The following AGBL4 variants were observed in gnomAD, a reference collection of about 807,000 sequenced individuals.
The protein encoded by AGBL4 is cytosolic carboxypeptidase 6.
In AGBL4, 58 loss-of-function variants were observed where a neutral mutation model predicts 66.4. The ratio of observed to expected loss-of-function variants is 0.87; its 90% CI spans 0.71 to 1.09. The LOEUF is 1.09. Ranked by LOEUF, AGBL4 falls within the 50% of genes least tolerant of loss-of-function variation. AGBL4 has a pLI of 0.00. For missense variants in AGBL4, 579 were observed against 631.0 expected (o/e 0.92, Z 0.88); for synonymous variants, 234 against 222.9 (o/e 1.05, Z -0.44).
In AGBL4 at chr1:48,849,608, T is replaced by C. The variant is rs370965443; in HGVS notation, c.634+17583A>G. Among the ~76,000 whole-genome samples the C allele has an allele frequency of 4.9e-4, 74 of 152,358 alleles. 1 individual carries two copies. The South Asian group carries it at 9.7e-3, about 20-fold the overall frequency. ...CCCACCTTCACTGCTTCTCACTATT[T>C]ATCTGCTGCTTCTAGGATGACAATC... On this transcript the variant is annotated intron_variant, in intron 6 of 13. Transcript: ENST00000371839.
Position 48,997,004 on chromosome 1 carries a change from C to A in AGBL4, c.594+48580G>T, listed in dbSNP as rs140539585. On this transcript the variant is annotated intron_variant, in intron 5 of 13. Coordinates refer to ENST00000371839, the MANE Select transcript of AGBL4 (RefSeq NM_032785.4). ...ATGGTGCAATCTCAGCCCACTACAACCTCCACCTCAGGGGTTCAAGCAATT... is the reference window on the plus strand; with the variant it reads ...ATGGTGCAATCTCAGCCCACTACAAACTCCACCTCAGGGGTTCAAGCAATT... 3.8e-3 allele frequency among the ~76,000 whole-genome samples: 586 copies of A among 152,280 alleles called. 5 individuals are homozygous for A. Among genetic ancestry groups the A allele is most frequent in the Non-Finnish European group, 6.3e-3 (432 of 68,032 alleles).
chr1:49,938,744 C>A (rs1221393784), intron 1 of AGBL4, among the ~76,000 whole-genome samples: 1 of 152,086 alleles, frequency 6.6e-6, no homozygotes, highest in Non-Finnish European at 1.5e-5. Context: ...AAGACAAAAA[C>A]CACATGATTA....
chr1:49,150,970 A>G (rs1042661842), intron 4 of AGBL4, among the ~76,000 whole-genome samples: 1 of 152,168 alleles, frequency 6.6e-6, no homozygotes, highest in Non-Finnish European at 1.5e-5. Flanking sequence ...AACTCTCTTT[A>G]AAAATATATA....
chr1:49,444,233 G>A (rs1193320564), intron 3 of AGBL4, among the ~76,000 whole-genome samples: 1 of 151,958 alleles, frequency 6.6e-6, no homozygotes, highest in Non-Finnish European at 1.5e-5. Context: ...TGTATATTCT[G>A]TAGTTTTGGA....
At chr1:49,805,316 G>C (rs909035638) in intron 2 of AGBL4, among the ~76,000 whole-genome samples, 1 of 152,150 alleles carries the variant, frequency 6.6e-6, no homozygotes, top group African/African-American at 2.4e-5. Flanking sequence ...ATGAACTTGA[G>C]AAGAGCAGTT....
At chr1:48,648,281 C>T (rs919175514) in intron 8 of AGBL4, among the ~76,000 whole-genome samples, 33 of 152,182 alleles carry the variant, frequency 2.2e-4, no homozygotes, top group African/African-American at 7.7e-4. Context: ...AATTTGATCA[C>T]TTGAAGAACG....
At chr1:49,682,038 TA>T (rs1248713039) in intron 3 of AGBL4, among the ~76,000 whole-genome samples, 4 of 152,242 alleles carry the variant, frequency 2.6e-5, no homozygotes, top group Middle Eastern at 3.4e-3. Flanking sequence ...ACTATTTCTT[TA>T]AAAAAATAAA....
chr1:48,785,310 G>A (rs1645383999), intron 6 of AGBL4, among the ~76,000 whole-genome samples: 1 of 152,106 alleles, frequency 6.6e-6, no homozygotes, highest in Admixed American at 6.5e-5. Flanking sequence ...TGCCTAACCT[G>A]GCACATGAGA....
chr1:48,555,698 G>A (rs1644310969), intron 11 of AGBL4, among the ~76,000 whole-genome samples: 1 of 152,204 alleles, frequency 6.6e-6, no homozygotes, highest in Admixed American at 6.5e-5. Context: ...CCCTGGTGAA[G>A]TGGGATTTGA....
intron 11 of AGBL4, among the ~76,000 whole-genome samples, chr1:48,576,240 T>C (rs1308466082): frequency 2.6e-5 from 4 of 152,194 alleles, no homozygotes; most frequent in Non-Finnish European, 5.9e-5. Flanking sequence ...TTGTGAACTA[T>C]GCATATGAGG....
chr1:49,742,294 A>G (rs2124753116), intron 2 of AGBL4, among the ~76,000 whole-genome samples: 1 of 151,802 alleles, frequency 6.6e-6, no homozygotes, highest in African/African-American at 2.4e-5. Flanking sequence ...GTGAACTCCC[A>G]TTCACAATTG....
intron 2 of AGBL4, among the ~76,000 whole-genome samples, chr1:49,811,205 G>C (rs1416719562): frequency 6.6e-6 from 1 of 152,118 alleles, no homozygotes; most frequent in East Asian, 1.9e-4. Context: ...TGTTGGAATG[G>C]ATCCTGTGGA....
chr1:49,846,384 G>T (rs137962564), intron 2 of AGBL4: 188 of 1,541,100 alleles, frequency 1.2e-4, no homozygotes, highest in Non-Finnish European at 1.6e-4. Context: ...AAGCACCAGA[G>T]AACTCACACT....
chr1:49,305,474 T>C (rs1327431559), intron 3 of AGBL4, among the ~76,000 whole-genome samples: 1 of 152,156 alleles, frequency 6.6e-6, no homozygotes, highest in Non-Finnish European at 1.5e-5. Context: ...TTTCTATCCA[T>C]GTTTGGTTGC....
intron 5 of AGBL4, among the ~76,000 whole-genome samples, chr1:49,012,895 T>C (rs1482591284): frequency 6.6e-6 from 1 of 152,210 alleles, no homozygotes; most frequent in East Asian, 1.9e-4. Context: ...TGAGCCCTCA[T>C]TATGTGTTAA....
At chr1:48,751,872 G>T (rs1651793098) in intron 6 of AGBL4, among the ~76,000 whole-genome samples, 1 of 152,172 alleles carries the variant, frequency 6.6e-6, no homozygotes, top group African/African-American at 2.4e-5. Context: ...GGAGGGTCCT[G>T]AATTGTTCGG....
chr1:48,687,805 G>T (rs942290603), intron 6 of AGBL4, among the ~76,000 whole-genome samples: 10 of 152,202 alleles, frequency 6.6e-5, no homozygotes, highest in Non-Finnish European at 1.5e-4. Flanking sequence ...TGGCACTCCT[G>T]CCTTCAGGTC....
intron 5 of AGBL4, among the ~76,000 whole-genome samples, chr1:49,005,422 T>C (rs1407909504): frequency 2.0e-5 from 3 of 152,232 alleles, no homozygotes; most frequent in Admixed American, 1.3e-4. Flanking sequence ...TCATCCCACA[T>C]AGGACTTGAA....
At chr1:49,708,835 T>C (rs988689971) in intron 2 of AGBL4, among the ~76,000 whole-genome samples, 3 of 152,268 alleles carry the variant, frequency 2.0e-5, no homozygotes, top group Admixed American at 6.5e-5. Context: ...TGCTTGAGTA[T>C]ACTGGAGGTC....
Sources: gnomAD v4.1 joint callset for allele counts (sites outside exome capture counted in the v4.1 genomes callset) on GRCh38, gnomAD v4.1.1 for gene constraint, MANE v1.5 for transcripts, NCBI Gene and HGNC (gene_info 2026-07-23, HGNC 2026-07-21) for gene names.